The following ZNF681 variants were observed in gnomAD, a reference collection of about 807,000 sequenced individuals.
ZNF681 encodes the protein hypothetical protein FLJ31526.
ZNF681 carries 37 observed loss-of-function variants against 56.0 expected under a neutral mutation model. That is an observed-to-expected ratio of 0.66 (90% CI 0.51 to 0.87). ZNF681 has a LOEUF of 0.87. Ranked by LOEUF, ZNF681 falls within the 40% of genes least tolerant of loss-of-function variation. The pLI, the probability that ZNF681 is intolerant of heterozygous loss-of-function variation, is 0.00. For synonymous variants in ZNF681, 225 were observed against 248.6 expected (o/e 0.91, Z 0.89); for missense variants, 741 against 744.9 (o/e 0.99, Z 0.06).
Position 23,740,478 on chromosome 19 carries a change from T to C in ZNF681, c.*3134A>G, listed in dbSNP as rs1055849984. On this transcript the variant is annotated 3_prime_UTR_variant, in exon 4 of 4. Transcript: ENST00000402377. ...ATAAATGTCCTCTCCACATAAAAAA[T>C]CAATGTTATTTCTCACAATTGATAT... is the stretch of plus-strand genomic sequence containing the variant. 6.6e-6 allele frequency: 1 copy of C among 152,170 alleles called. No individual in the cohort carries two copies. The highest frequency in any genetic ancestry group is 1.5e-5 in the Non-Finnish European group (1 of 68,024). The allele number at this position is 152,170 out of a possible 1,614,324, so 9.4% of individuals were successfully genotyped here.
At chr19:23,758,693 A>G in intron 1 of ZNF681, 54 bp downstream of exon 1, 1 of 1,613,856 alleles carries the variant, frequency 6.2e-7, no homozygotes, top group Non-Finnish European at 8.5e-7. Context: ...GCGAGGTCTG[A>G]GTCCCGCCAC....
At chr19:23,747,016 C>T (rs971735302) in intron 3 of ZNF681, among the ~76,000 whole-genome samples, 1 of 152,116 alleles carries the variant, frequency 6.6e-6, no homozygotes, top group African/African-American at 2.4e-5. Flanking sequence ...TCCAGCTAGT[C>T]AGGAGGCTGA....
rs1968851140 is a variant in ZNF681, at chr19:23,739,359, G to A, written c.*4253C>T. ...AAAAGAGGGGTTTAGAAAGATGTCA[G>A]TCAAATACATAATTACAGTTGAATA... is the stretch of plus-strand genomic sequence containing the variant. On this transcript the variant is annotated 3_prime_UTR_variant, in exon 4 of 4. Transcript: ENST00000402377. 6.6e-6 allele frequency: 1 copy of A among 152,160 alleles called. No individual in the cohort carries two copies. Among genetic ancestry groups the A allele is most frequent in the Admixed American group, 6.5e-5 (1 of 15,276 alleles). 9.4% of individuals were successfully genotyped at this position (152,160 alleles called of 1,614,324 possible). A position where few individuals can be genotyped will look rare whatever the true frequency, so the allele number is the denominator to read the frequency against.
intron 3 of ZNF681, among the ~76,000 whole-genome samples, chr19:23,753,912 TA>T (rs1223378734): frequency 6.9e-6 from 1 of 144,032 alleles, no homozygotes; most frequent in Non-Finnish European, 1.5e-5. Context: ...ATAGATTCAA[TA>T]AACTCCCTAT....
intron 3 of ZNF681, among the ~76,000 whole-genome samples, chr19:23,754,274 C>G (rs933567867): frequency 1.3e-5 from 2 of 152,196 alleles, no homozygotes; most frequent in African/African-American, 4.8e-5. Context: ...GACTTTGGCT[C>G]TCACTCTAAA....
chr19:23,743,645 T>C lies in ZNF681; in HGVS notation c.1905A>G (p.Lys635=). 2.0e-6 allele frequency: 3 copies of C among 1,527,970 alleles called. No individual in the cohort carries two copies. The highest frequency in any genetic ancestry group is 2.6e-6 in the Non-Finnish European group (3 of 1,140,080). 94.7% of individuals were successfully genotyped at this position (1,527,970 alleles called of 1,614,324 possible). ...SDFENTSKFS[K]HKRNYAGEKS ...TCTCACCAGCATAATTTCTTTTATG[T>C]TTAGAAAACTTTGAAGTGTTTTCAA... Residue 635 remains lysine, a synonymous_variant, in exon 4 of 4, where the codon AAA becomes AAG. Coordinates refer to ENST00000402377, the MANE Select transcript of ZNF681 (RefSeq NM_138286.3).
At position 23,744,824 on chromosome 19, in the gene ZNF681, A is replaced by G. The variant is rs1368192772; in HGVS notation, c.726T>C (p.Thr242=). 1.2e-6 allele frequency: 2 copies of G among 1,613,358 alleles called. No homozygotes were observed. The change falls in exon 4 of 4, where the codon ACT becomes ACC. Residue 242 remains threonine, a synonymous_variant. Coordinates refer to ENST00000402377, the MANE Select transcript of ZNF681 (RefSeq NM_138286.3). ...CTCTAGTATAAATTATCTTATGTGTAGTAAGGTTTGTGAACTGGTTACAGG... is the reference window on the plus strand; with the variant it reads ...CTCTAGTATAAATTATCTTATGTGTGGTAAGGTTTGTGAACTGGTTACAGG... ...GKACNQFTNL[T]THKIIYTRDK...
At chr19:23,757,307 G>A (rs1183554956) in intron 1 of ZNF681, among the ~76,000 whole-genome samples, 1 of 151,946 alleles carries the variant, frequency 6.6e-6, no homozygotes, top group Non-Finnish European at 1.5e-5. Context: ...TAACACCCTG[G>A]GAGCTGGTAC....
At chr19:23,754,457 A>T (rs1969083673) in intron 3 of ZNF681, among the ~76,000 whole-genome samples, 1 of 151,442 alleles carries the variant, frequency 6.6e-6, no homozygotes, top group Admixed American at 6.6e-5. Context: ...TGAGGTTAGG[A>T]GTTCGAGACC....
At position 23,743,533 on chromosome 19, in the gene ZNF681, GGTT is replaced by G. The variant is rs1968895559; in HGVS notation, c.*76_*78del. 19 of 1,310,986 alleles carry G rather than the reference GGTT, an allele frequency of 1.4e-5. No homozygotes were observed. The highest frequency in any genetic ancestry group is 4.7e-4 in the Middle Eastern group (2 of 4,242). 81.2% of individuals were successfully genotyped at this position (1,310,986 alleles called of 1,614,324 possible). On this transcript the variant is annotated 3_prime_UTR_variant, in exon 4 of 4. Coordinates refer to ENST00000402377, the MANE Select transcript of ZNF681 (RefSeq NM_138286.3). ...TTTTGCCACATTCTTCACACTTGTA[GGTT>G]TTTTTTTAGTATGAATTATCTTATG...
rs951033709 is a variant in ZNF681 at position 23,741,096 on chromosome 19, AAAT to A, written c.*2513_*2515del. ...TAGTTTTGCAGTCATCATCTAATTA[AAAT>A]AATTTGATTTGTTTCAATATTGCTC... is the stretch of plus-strand genomic sequence containing the variant. On this transcript the variant is annotated 3_prime_UTR_variant, in exon 4 of 4. Transcript: ENST00000402377. 2 of 152,130 alleles carry A rather than the reference AAAT, an allele frequency of 1.3e-5. No homozygotes were observed. The highest frequency in any genetic ancestry group is 2.9e-5 in the Non-Finnish European group (2 of 68,030). The allele number at this position is 152,130 out of a possible 1,614,324, so 9.4% of individuals were successfully genotyped here.
At chr19:23,755,841 A>G (rs571520246) in intron 1 of ZNF681, among the ~76,000 whole-genome samples, 7 of 152,266 alleles carry the variant, frequency 4.6e-5, no homozygotes, top group African/African-American at 1.7e-4. Flanking sequence ...AAAATTCAAG[A>G]AACAATACAT....
intron 3 of ZNF681, among the ~76,000 whole-genome samples, chr19:23,752,074 G>A (rs1455134415): frequency 1.3e-5 from 2 of 152,176 alleles, no homozygotes; most frequent in African/African-American, 4.8e-5. Flanking sequence ...GTGCCTTTAG[G>A]AGAGCTTTGA....
At chr19:23,755,050 A>G in intron 2 of ZNF681, 132 bp from the exon 3 acceptor site, 2 of 621,570 alleles carry the variant, frequency 3.2e-6, no homozygotes, top group Non-Finnish European at 5.2e-6. Context: ...TTATAAAAGA[A>G]ATTTCTAAAT....
chr19:23,751,979 G>C (rs1479264988), intron 3 of ZNF681, among the ~76,000 whole-genome samples: 1 of 152,152 alleles, frequency 6.6e-6, no homozygotes, highest in Non-Finnish European at 1.5e-5. Flanking sequence ...GAGCCACTGC[G>C]CCCGGCCTGA....
intron 3 of ZNF681, among the ~76,000 whole-genome samples, 171 bp downstream of exon 3, chr19:23,754,652 G>A (rs182556763): frequency 3.2e-4 from 48 of 152,264 alleles, no homozygotes; most frequent in African/African-American, 8.2e-4. Context: ...GTGACAGAGC[G>A]AGACTCCATC....
chr19:23,753,631 G>A (rs1191233972), intron 3 of ZNF681, among the ~76,000 whole-genome samples: 2 of 152,272 alleles, frequency 1.3e-5, no homozygotes, highest in East Asian at 3.8e-4. Context: ...GGGAGGCTGA[G>A]GCAGGCAGAT....
intron 3 of ZNF681, among the ~76,000 whole-genome samples, chr19:23,752,577 GA>G (rs11295030): frequency 0.98 from 148,984 of 152,252 alleles, 72,987 homozygotes; most frequent in Middle Eastern, 1. Flanking sequence ...AAAGTCTTGA[GA>G]GAAATTCAGT....
At chr19:23,758,718 T>C in intron 1 of ZNF681, 29 bp downstream of exon 1, 1 of 1,614,108 alleles carries the variant, frequency 6.2e-7, no homozygotes, top group Non-Finnish European at 8.5e-7. Flanking sequence ...CCTTCCCCTC[T>C]CTCGGGATGT....
Sources: gnomAD v4.1 joint callset for allele counts (sites outside exome capture counted in the v4.1 genomes callset) on GRCh38, gnomAD v4.1.1 for gene constraint, MANE v1.5 for transcripts, NCBI Gene and HGNC (gene_info 2026-07-23, HGNC 2026-07-21) for gene names.